The following PARD3 variants were observed in gnomAD, a reference collection of about 807,000 sequenced individuals.
The protein encoded by PARD3 is par-3 family cell polarity regulator.
Under a neutral mutation model 155.4 loss-of-function variants are expected in PARD3, and 75 were observed. That is an observed-to-expected ratio of 0.48 (90% CI 0.40 to 0.58). The LOEUF (loss-of-function observed/expected upper bound fraction) is 0.58, where lower values mean the gene tolerates loss of function less well. Among genes scored for constraint, PARD3 ranks in the 20% least tolerant of loss-of-function variants. PARD3 has a pLI of 0.00. For synonymous variants in PARD3, 576 were observed against 610.5 expected (o/e 0.94, Z 0.83); for missense variants, 1,642 against 1,721.7 (o/e 0.95, Z 0.82).
At chr10:34,340,711 C>G (rs1836717687) in intron 16 of PARD3, among the ~76,000 whole-genome samples, 1 of 152,020 alleles carries the variant, frequency 6.6e-6, no homozygotes, top group Non-Finnish European at 1.5e-5. Flanking sequence ...TTGTTAAGAT[C>G]ATCACTAAAA....
intron 22 of PARD3, among the ~76,000 whole-genome samples, chr10:34,217,272 C>T (rs995774624): frequency 1.3e-5 from 2 of 151,890 alleles, no homozygotes; most frequent in Non-Finnish European, 2.9e-5. Context: ...AGAACTAGAT[C>T]GTACACGTCA....
chr10:34,736,813 A>G (rs1407395052), intron 1 of PARD3, among the ~76,000 whole-genome samples: 2 of 152,024 alleles, frequency 1.3e-5, no homozygotes, highest in Non-Finnish European at 2.9e-5. Flanking sequence ...AGTAGCTGGG[A>G]TTACAGGCAT....
intron 2 of PARD3, among the ~76,000 whole-genome samples, chr10:34,597,226 T>C (rs1464861361): frequency 6.6e-6 from 1 of 152,106 alleles, no homozygotes; most frequent in Admixed American, 6.6e-5. Context: ...TCAGAGCACC[T>C]GACCTACAAG....
intron 3 of PARD3, among the ~76,000 whole-genome samples, chr10:34,515,354 G>A (rs760626740): frequency 4.6e-5 from 7 of 152,196 alleles, no homozygotes; most frequent in Non-Finnish European, 7.3e-5. Context: ...TAAATCTCTT[G>A]CATATAAAAA....
intron 3 of PARD3, among the ~76,000 whole-genome samples, chr10:34,516,162 A>G (rs2081747682): frequency 2.0e-5 from 3 of 152,014 alleles, no homozygotes; most frequent in Admixed American, 1.3e-4. Context: ...ATGGGGTTTC[A>G]CCATGTCGGC....
chr10:34,642,749 A>C (rs1436849013), intron 2 of PARD3, among the ~76,000 whole-genome samples: 1 of 151,894 alleles, frequency 6.6e-6, no homozygotes, highest in Non-Finnish European at 1.5e-5. Flanking sequence ...AGCATCTCTC[A>C]AATCTGGCCA....
At chr10:34,491,752 T>C (rs2133327999) in intron 3 of PARD3, among the ~76,000 whole-genome samples, 1 of 152,344 alleles carries the variant, frequency 6.6e-6, no homozygotes, top group Middle Eastern at 3.4e-3. Flanking sequence ...CACTTTAATA[T>C]TGATAAAATG....
At chr10:34,314,199 A>T (rs1276072622) in intron 20 of PARD3, among the ~76,000 whole-genome samples, 4 of 152,068 alleles carry the variant, frequency 2.6e-5, no homozygotes, top group Non-Finnish European at 5.9e-5. Context: ...AGGAGAAAAA[A>T]AAAAAAGAAG....
rs575336887 is a variant in PARD3, at chr10:34,312,615, C to T, written c.3065+4492G>A. ...GGTTACAAACTAAATTATCTATTTC[C>T]TCTTCAAAACTGAATAAAACAATGC... On this transcript the variant is annotated intron_variant, in intron 20 of 24. Transcript: ENST00000374788. 2.6e-5 allele frequency among the ~76,000 whole-genome samples: 4 copies of T among 152,268 alleles called. No homozygotes were observed. In the East Asian group the frequency reaches 5.8e-4, roughly 22 times the overall value.
chr10:34,640,065 C>G (rs1000516458), intron 2 of PARD3, among the ~76,000 whole-genome samples: 6 of 152,168 alleles, frequency 3.9e-5, no homozygotes, highest in African/African-American at 1.4e-4. Flanking sequence ...GAAGAAAATA[C>G]CAATCCCTCT....
intron 2 of PARD3, among the ~76,000 whole-genome samples, chr10:34,605,054 A>AT (rs1386036023): frequency 6.6e-6 from 1 of 151,880 alleles, no homozygotes; most frequent in Non-Finnish European, 1.5e-5. Context: ...GATTATTATT[A>AT]TATGTTTCCT....
At chr10:34,616,814 G>A (rs1461846398) in intron 2 of PARD3, among the ~76,000 whole-genome samples, 1 of 151,352 alleles carries the variant, frequency 6.6e-6, no homozygotes, top group Non-Finnish European at 1.5e-5. Flanking sequence ...ATGGGTCTAT[G>A]GTCTCAGCTA....
At chr10:34,630,019 C>G (rs1214896763) in intron 2 of PARD3, among the ~76,000 whole-genome samples, 1 of 152,104 alleles carries the variant, frequency 6.6e-6, no homozygotes, top group Admixed American at 6.5e-5. Flanking sequence ...GCCTGTATTA[C>G]TGATGAAAAC....
chr10:34,775,432 C>A (rs1340247683), intron 1 of PARD3, among the ~76,000 whole-genome samples: 1 of 152,076 alleles, frequency 6.6e-6, no homozygotes, highest in Non-Finnish European at 1.5e-5. Flanking sequence ...ATCACTTTAG[C>A]CCAGGAGTTT....
At chr10:34,740,090 A>G (rs1416927686) in intron 1 of PARD3, among the ~76,000 whole-genome samples, 2 of 152,192 alleles carry the variant, frequency 1.3e-5, no homozygotes, top group East Asian at 3.9e-4. Flanking sequence ...CACAAAGGCG[A>G]CAGCTGGTGA....
rs79962326 is a variant in PARD3 at position 34,403,486 on chromosome 10, T to C, written c.715-1569A>G. On this transcript the variant is annotated intron_variant, in intron 5 of 24. Transcript: ENST00000374788. ...CAATGTCAAACAATATATTAAATCA[T>C]TGAAGAGATAGTAAGAGACGGCAAA... is the stretch of plus-strand genomic sequence containing the variant. Among the ~76,000 whole-genome samples, 31 of 152,280 alleles carry C rather than the reference T, an allele frequency of 2.0e-4. No individual in the cohort carries two copies. In the East Asian group the frequency reaches 5.2e-3, roughly 26 times the overall value.
intron 1 of PARD3, among the ~76,000 whole-genome samples, chr10:34,783,334 G>C (rs1425498657): frequency 6.6e-6 from 1 of 152,098 alleles, no homozygotes; most frequent in Non-Finnish European, 1.5e-5. Flanking sequence ...GCCAGGCACA[G>C]TGGCTCACGC....
intron 3 of PARD3, among the ~76,000 whole-genome samples, chr10:34,506,130 G>GA (rs546570367): frequency 6.0e-5 from 9 of 150,946 alleles, no homozygotes; most frequent in East Asian, 5.8e-4. Flanking sequence ...CATCAAAAAG[G>GA]AAAAAAAAGA....
At chr10:34,345,364 G>C (rs545832632) in intron 15 of PARD3, 1 of 984,430 alleles carries the variant, frequency 1.0e-6, no homozygotes, top group Admixed American at 6.1e-5. Context: ...CTACATAGGG[G>C]ATTACTCCAT....
Sources: allele counts gnomAD v4.1 joint callset (sites outside exome capture counted in the v4.1 genomes callset), GRCh38; gene constraint gnomAD v4.1.1; transcripts MANE v1.5; gene names NCBI Gene and HGNC (gene_info 2026-07-23, HGNC 2026-07-21).